The following ZNF831 variants were observed in gnomAD, a reference collection of about 807,000 sequenced individuals.
ZNF831 encodes the protein zinc finger protein 831, also known as chromosome 20 open reading frame 174.
ZNF831 carries 59 observed loss-of-function variants against 95.8 expected under a neutral mutation model. That is an observed-to-expected ratio of 0.62 (90% CI 0.50 to 0.77). The LOEUF is 0.77. ZNF831 is among the 30% of genes least tolerant of loss of function. The pLI, the probability that ZNF831 is intolerant of heterozygous loss-of-function variation, is 0.00. For missense variants in ZNF831, 2,205 were observed against 2,164.0 expected (o/e 1.02, Z -0.38); for synonymous variants, 961 against 925.5 (o/e 1.04, Z -0.70).
At chr20:59,143,930 A>G (rs182156081) in intron 1 of ZNF831, among the ~76,000 whole-genome samples, 1 of 152,320 alleles carries the variant, frequency 6.6e-6, no homozygotes, top group Admixed American at 6.5e-5. Context: ...AGCCACTTTA[A>G]TGGATTCTAT....
At chr20:59,151,295 C>T (rs1980220683) in intron 2 of ZNF831, among the ~76,000 whole-genome samples, 1 of 152,154 alleles carries the variant, frequency 6.6e-6, no homozygotes, top group African/African-American at 2.4e-5. Context: ...TCCTGAGGCT[C>T]CAGCACCCAT....
chr20:59,133,693 A>T (rs902193467), intron 1 of ZNF831, among the ~76,000 whole-genome samples: 1 of 152,182 alleles, frequency 6.6e-6, no homozygotes, highest in Non-Finnish European at 1.5e-5. Flanking sequence ...GCTGGAGTCC[A>T]GGGGTCAGAG....
intron 1 of ZNF831, among the ~76,000 whole-genome samples, chr20:59,141,380 G>A (rs1375077585): frequency 6.6e-6 from 1 of 151,988 alleles, no homozygotes; most frequent in Non-Finnish European, 1.5e-5. Flanking sequence ...ATTACTTTTT[G>A]TATAAGGTGT....
At chr20:59,216,281 C>T (rs1985675206) in intron 4 of ZNF831, among the ~76,000 whole-genome samples, 2 of 152,174 alleles carry the variant, frequency 1.3e-5, no homozygotes, top group Non-Finnish European at 2.9e-5. Flanking sequence ...TGAACCAATT[C>T]AGCAGAATTG....
At chr20:59,199,874 A>G (rs890020518) in intron 3 of ZNF831, among the ~76,000 whole-genome samples, 1 of 152,034 alleles carries the variant, frequency 6.6e-6, no homozygotes, top group Non-Finnish European at 1.5e-5. Context: ...TACCTAAATC[A>G]TATTCTTTAG....
chr20:59,212,042 A>G (rs1985372881), intron 4 of ZNF831, among the ~76,000 whole-genome samples: 1 of 152,196 alleles, frequency 6.6e-6, no homozygotes, highest in Admixed American at 6.5e-5. Context: ...TAGGCCAGCT[A>G]GAATCAGCAA....
At chr20:59,177,562 CG>C in intron 1 of ZNF831, among the ~76,000 whole-genome samples, 1 of 152,246 alleles carries the variant, frequency 6.6e-6, no homozygotes, top group African/African-American at 2.4e-5. Context: ...CAAACTAGGA[CG>C]AGTTGGTATA....
chr20:59,258,452 CAT>C lies in ZNF831; in HGVS notation c.*3710_*3711del, dbSNP rs538562558. On this transcript the variant is annotated 3_prime_UTR_variant, in exon 6 of 6. Transcript: ENST00000371030. ...TTTTTTTCCCCAGCACAGAAATTTGCATTTTGCACAGAATTTGCCTGGTGCAG... is the reference window on the plus strand; with the variant it reads ...TTTTTTTCCCCAGCACAGAAATTTGCTTTGCACAGAATTTGCCTGGTGCAG... 369 of 152,728 alleles carry C rather than the reference CAT, an allele frequency of 2.4e-3. 2 individuals carry two copies. The highest frequency in any genetic ancestry group is 8.7e-3 in the African/African-American group (360 of 41,554). 9.5% of individuals were successfully genotyped at this position (152,728 alleles called of 1,614,324 possible).
At chr20:59,166,539 G>A (rs754557949) in intron 1 of ZNF831, among the ~76,000 whole-genome samples, 1 of 152,032 alleles carries the variant, frequency 6.6e-6, no homozygotes, top group Non-Finnish European at 1.5e-5. Context: ...GCAAGGATGC[G>A]TCGTGGACAC....
intron 1 of ZNF831, among the ~76,000 whole-genome samples, chr20:59,136,850 C>G (rs1335058068): frequency 6.6e-6 from 1 of 152,212 alleles, no homozygotes; most frequent in Admixed American, 6.5e-5. Context: ...ATAAAACTTT[C>G]TACCTTCTCT....
At chr20:59,166,259 G>C (rs1568734410) in intron 1 of ZNF831, among the ~76,000 whole-genome samples, 1 of 152,154 alleles carries the variant, frequency 6.6e-6, no homozygotes, top group Non-Finnish European at 1.5e-5. Flanking sequence ...GCTAGGGTCG[G>C]TTCTAGATAC....
In ZNF831 at chr20:59,255,049, G is replaced by A. The variant is rs560065733; in HGVS notation, c.*306G>A. 8.3e-5 allele frequency: 22 copies of A among 264,744 alleles called. No individual in the cohort carries two copies. The highest frequency in any genetic ancestry group is 3.3e-4 in the African/African-American group (15 of 45,882). 16.4% of individuals were successfully genotyped at this position (264,744 alleles called of 1,614,324 possible). On this transcript the variant is annotated 3_prime_UTR_variant, in exon 6 of 6. Transcript: ENST00000371030. ...TGACTGGGCCTTGACTCCCAGCCTC[G>A]TCTTCTGCACCTGTCCCCCACTGCC...
In ZNF831 at chr20:59,256,932, G is replaced by A. The variant is rs1988214564; in HGVS notation, c.*2189G>A. The stretch of plus-strand genomic sequence containing the variant: ...ACCAGAACTCTCCAGTAGGAATGGA[G>A]AAAACCTATCTGTAGGCTGAACTGG... On this transcript the variant is annotated 3_prime_UTR_variant, in exon 6 of 6. Coordinates refer to ENST00000371030, the MANE Select transcript of ZNF831 (RefSeq NM_178457.3). 6.6e-6 allele frequency: 1 copy of A among 152,222 alleles called. No homozygotes were observed. Among genetic ancestry groups the A allele is most frequent in the Admixed American group, 6.5e-5 (1 of 15,286 alleles). 9.4% of individuals were successfully genotyped at this position (152,222 alleles called of 1,614,324 possible).
At chr20:59,213,591 T>G (rs1469484462) in intron 4 of ZNF831, among the ~76,000 whole-genome samples, 1 of 152,156 alleles carries the variant, frequency 6.6e-6, no homozygotes, top group Non-Finnish European at 1.5e-5. Context: ...AACATAAGTT[T>G]CTTTACCTTG....
At chr20:59,188,656 CAATAAATA>C (rs57692294) in intron 1 of ZNF831, among the ~76,000 whole-genome samples, 80 of 149,346 alleles carry the variant, frequency 5.4e-4, no homozygotes, top group African/African-American at 1.6e-3. Context: ...GACTCCATCT[CAATAAATA>C]AATAAATAAA....
chr20:59,151,722 A>T (rs771661462), intron 2 of ZNF831, among the ~76,000 whole-genome samples: 10 of 152,170 alleles, frequency 6.6e-5, no homozygotes, highest in Non-Finnish European at 1.0e-4. Flanking sequence ...AGTTTTAGCT[A>T]AGATTGTTTT....
chr20:59,218,598 T>G (rs1263771825), intron 4 of ZNF831, among the ~76,000 whole-genome samples: 2 of 151,680 alleles, frequency 1.3e-5, no homozygotes, highest in African/African-American at 4.9e-5. Context: ...CGTGACTGTT[T>G]TTTTTTTTTA....
chr20:59,131,029 G>A (rs76916494), intron 1 of ZNF831, among the ~76,000 whole-genome samples: 4,406 of 152,252 alleles, frequency 0.029, 105 homozygotes, highest in South Asian at 0.062. Flanking sequence ...AACATGAGAT[G>A]TGTCTCGCTC....
At chr20:59,171,330 T>G (rs1034669735) in intron 1 of ZNF831, among the ~76,000 whole-genome samples, 7 of 152,262 alleles carry the variant, frequency 4.6e-5, no homozygotes, top group African/African-American at 1.7e-4. Flanking sequence ...GCATCCCTTA[T>G]CATACAGCAT....
Sources: allele counts gnomAD v4.1 joint callset (sites outside exome capture counted in the v4.1 genomes callset), GRCh38; gene constraint gnomAD v4.1.1; transcripts MANE v1.5; gene names NCBI Gene and HGNC (gene_info 2026-07-23, HGNC 2026-07-21).